The following CSMD1 variants were observed in gnomAD, a reference collection of about 807,000 sequenced individuals.
CSMD1 encodes CUB and Sushi multiple domains 1, also known as CUB and sushi domain-containing protein 1.
In CSMD1, 213 loss-of-function variants were observed where a neutral mutation model predicts 417.5. The observed-to-expected ratio is 0.51, with a 90% CI of 0.46 to 0.57. CSMD1 has a LOEUF of 0.57. Among genes scored for constraint, CSMD1 ranks in the 20% least tolerant of loss-of-function variants. The probability of loss-of-function intolerance (pLI) is 0.00; values close to 1 mark genes in which losing one functional copy is unlikely to be tolerated. For synonymous variants in CSMD1, 2,862 were observed against 1,736.8 expected, an observed-to-expected ratio of 1.65 and a Z score of -16.11; for missense variants, 6,923 against 4,529.7, an observed-to-expected ratio of 1.53 and a Z score of -15.17.
At chr8:4,459,016 C>A (rs1799651794) in intron 2 of CSMD1, among the ~76,000 whole-genome samples, 1 of 152,168 alleles carries the variant, frequency 6.6e-6, no homozygotes, top group Admixed American at 6.5e-5. Context: ...TGGGCCACAG[C>A]CTGCTTTCTT....
chr8:4,168,515 T>C (rs1797584735), intron 3 of CSMD1, among the ~76,000 whole-genome samples: 1 of 151,906 alleles, frequency 6.6e-6, no homozygotes, highest in Non-Finnish European at 1.5e-5. Context: ...CAACACTAGA[T>C]TAAAATAAGT....
intron 3 of CSMD1, among the ~76,000 whole-genome samples, chr8:4,383,645 A>T (rs1356329469): frequency 6.6e-6 from 1 of 152,206 alleles, no homozygotes; most frequent in African/African-American, 2.4e-5. Flanking sequence ...TATGTACTTC[A>T]GTGTTCAGAG....
At chr8:3,541,210 T>G (rs1271904249) in intron 10 of CSMD1, among the ~76,000 whole-genome samples, 1 of 152,130 alleles carries the variant, frequency 6.6e-6, no homozygotes, top group Non-Finnish European at 1.5e-5. Context: ...TAAGAAGGAA[T>G]GAGATCACGT....
intron 5 of CSMD1, among the ~76,000 whole-genome samples, chr8:3,991,280 C>T (rs540141069): frequency 2.0e-5 from 3 of 152,184 alleles, no homozygotes; most frequent in Non-Finnish European, 4.4e-5. Context: ...GAAAGAAGTT[C>T]GCATTATTTG....
intron 1 of CSMD1, among the ~76,000 whole-genome samples, chr8:4,958,902 A>T (rs1809295579): frequency 6.6e-6 from 1 of 152,188 alleles, no homozygotes; most frequent in East Asian, 1.9e-4. Context: ...AACAAAGAGG[A>T]AAGAATATTT....
intron 39 of CSMD1, among the ~76,000 whole-genome samples, chr8:3,155,726 C>G (rs1017419726): frequency 3.3e-5 from 5 of 152,084 alleles, no homozygotes; most frequent in Non-Finnish European, 7.4e-5. Flanking sequence ...ACATGTTAAT[C>G]TAGACATTTA....
chr8:4,480,728 C>T (rs1801053842), intron 2 of CSMD1, among the ~76,000 whole-genome samples: 1 of 152,188 alleles, frequency 6.6e-6, no homozygotes, highest in Non-Finnish European at 1.5e-5. Context: ...GTATAGAATC[C>T]ACTTTTTTGA....
chr8:4,516,921 C>G (rs567073182), intron 2 of CSMD1, among the ~76,000 whole-genome samples: 13 of 152,136 alleles, frequency 8.5e-5, no homozygotes, highest in Non-Finnish European at 1.3e-4. Flanking sequence ...ATATGAATCT[C>G]ATGACTCAGA....
chr8:4,954,170 T>C (rs1400989632), intron 1 of CSMD1, among the ~76,000 whole-genome samples: 1 of 152,212 alleles, frequency 6.6e-6, no homozygotes, highest in Admixed American at 6.5e-5. Flanking sequence ...ATTTGCCATT[T>C]AGAAATAAAC....
At chr8:4,991,548 G>C (rs1584959712) in intron 1 of CSMD1, among the ~76,000 whole-genome samples, 1 of 152,240 alleles carries the variant, frequency 6.6e-6, no homozygotes, top group East Asian at 1.9e-4. Flanking sequence ...CCGCCACCCG[G>C]GCGCGCGCGG....
At chr8:3,633,110 CATTT>C (rs1435735976) in intron 7 of CSMD1, among the ~76,000 whole-genome samples, 1 of 152,190 alleles carries the variant, frequency 6.6e-6, no homozygotes, top group African/African-American at 2.4e-5. Flanking sequence ...ATTGTTTTAA[CATTT>C]ATTTCTCTAA....
At chr8:3,239,492 A>G (rs1250447434) in intron 26 of CSMD1, among the ~76,000 whole-genome samples, 1 of 152,140 alleles carries the variant, frequency 6.6e-6, no homozygotes, top group African/African-American at 2.4e-5. Flanking sequence ...TAGTTTGCTG[A>G]CTCGGGGCAT....
chr8:3,770,672 G>C (rs1030757242), intron 5 of CSMD1, among the ~76,000 whole-genome samples: 1 of 152,162 alleles, frequency 6.6e-6, no homozygotes, highest in African/African-American at 2.4e-5. Context: ...ATGACTGACT[G>C]TCGCCCCAAC....
intron 5 of CSMD1, among the ~76,000 whole-genome samples, chr8:3,952,904 G>A (rs370506384): frequency 6.6e-6 from 1 of 152,290 alleles, no homozygotes; most frequent in East Asian, 1.9e-4. Flanking sequence ...CTCAGCGAAA[G>A]CTGTATTGAG....
chr8:4,562,654 G>A (rs1798398566), intron 2 of CSMD1, among the ~76,000 whole-genome samples: 1 of 152,062 alleles, frequency 6.6e-6, no homozygotes, highest in African/African-American at 2.4e-5. Flanking sequence ...ATTCTATGGA[G>A]ATCCAACTCA....
intron 5 of CSMD1, among the ~76,000 whole-genome samples, chr8:3,824,530 G>A (rs376485348): frequency 6.6e-5 from 10 of 152,202 alleles, no homozygotes; most frequent in Admixed American, 3.9e-4. Flanking sequence ...AAAGCGTGAT[G>A]AGTCTGAATT....
At chr8:3,753,905 T>C (rs767597298) in intron 6 of CSMD1, 25 bp downstream of exon 6, 1 of 1,507,910 alleles carries the variant, frequency 6.6e-7, no homozygotes, top group Admixed American at 1.8e-5. Context: ...TTTTTTTTTT[T>C]TCTTATAAGA....
intron 1 of CSMD1, among the ~76,000 whole-genome samples, chr8:4,756,075 C>T (rs1276782531): frequency 5.3e-5 from 8 of 152,106 alleles, no homozygotes; most frequent in Admixed American, 4.6e-4. Flanking sequence ...AAAACAAAGA[C>T]CTTTATTCTA....
chr8:4,880,889 G>T (rs1038670390), intron 1 of CSMD1, among the ~76,000 whole-genome samples: 2 of 152,052 alleles, frequency 1.3e-5, no homozygotes, highest in African/African-American at 4.8e-5. Context: ...TATAGAAAGA[G>T]AATTTAAGAA....
Sources: allele counts gnomAD v4.1 joint callset (sites outside exome capture counted in the v4.1 genomes callset), GRCh38; gene constraint gnomAD v4.1.1; transcripts MANE v1.5; gene names NCBI Gene and HGNC (gene_info 2026-07-23, HGNC 2026-07-21).